TENM2: variants seen among roughly 807,000 people sequenced by gnomAD.
The protein encoded by TENM2 is teneurin transmembrane protein 2.
TENM2 carries 52 observed loss-of-function variants against 245.2 expected under a neutral mutation model. That is an observed-to-expected ratio of 0.21 (90% CI 0.17 to 0.27). The LOEUF (loss-of-function observed/expected upper bound fraction) is 0.27, where lower values mean the gene tolerates loss of function less well. TENM2 is among the 10% of genes least tolerant of loss of function. TENM2 has a pLI of 1.00. For missense variants in TENM2, 3,046 were observed against 3,666.8 expected (o/e 0.83, Z 4.37); for synonymous variants, 1,363 against 1,438.9 (o/e 0.95, Z 1.19).
chr5:167,663,506 G>C (rs1003568069), intron 2 of TENM2, among the ~76,000 whole-genome samples: 5 of 151,976 alleles, frequency 3.3e-5, no homozygotes, highest in African/African-American at 9.7e-5. Flanking sequence ...GATTCTTATT[G>C]TCTTCAATGT....
chr5:167,500,558 G>C (rs1315820146), intron 2 of TENM2, among the ~76,000 whole-genome samples: 1 of 152,130 alleles, frequency 6.6e-6, no homozygotes, highest in East Asian at 1.9e-4. Flanking sequence ...GGAGAAAATC[G>C]TGAGATGGTG....
the TENM2 span, among the ~76,000 whole-genome samples, chr5:167,005,212 G>A: frequency 2.0e-5 from 3 of 152,128 alleles, no homozygotes; most frequent in Non-Finnish European, 4.4e-5. Context: ...CATTCAGTGT[G>A]TACGAATTCA....
chr5:167,749,705 G>C (rs1329054747), intron 2 of TENM2, among the ~76,000 whole-genome samples: 1 of 151,936 alleles, frequency 6.6e-6, no homozygotes, highest in Admixed American at 6.6e-5. Flanking sequence ...GCACATTCAA[G>C]ACTGATTCCT....
intron 1 of TENM2, among the ~76,000 whole-genome samples, chr5:167,313,617 A>G (rs1234690899): frequency 6.6e-6 from 1 of 152,170 alleles, no homozygotes; most frequent in Admixed American, 6.5e-5. Flanking sequence ...AGTCTGTGAC[A>G]CCAATGTACT....
At chr5:167,846,557 G>GGA (rs1770058080) in intron 2 of TENM2, among the ~76,000 whole-genome samples, 1 of 152,172 alleles carries the variant, frequency 6.6e-6, no homozygotes, top group Admixed American at 6.5e-5. Context: ...TGTTGTTTCT[G>GGA]TGATGCCAAG....
intron 3 of TENM2, among the ~76,000 whole-genome samples, chr5:167,910,096 T>C (rs529581120): frequency 5.9e-5 from 9 of 152,264 alleles, no homozygotes; most frequent in Admixed American, 2.6e-4. Context: ...CTATCTACAA[T>C]GCAACACAAT....
chr5:167,877,235 A>G (rs1340768418), intron 3 of TENM2, among the ~76,000 whole-genome samples: 1 of 152,142 alleles, frequency 6.6e-6, no homozygotes, highest in African/African-American at 2.4e-5. Flanking sequence ...CCAGGAGTAT[A>G]TGCCACCCAC....
intron 7 of TENM2, among the ~76,000 whole-genome samples, chr5:168,088,493 C>A (rs1315834778): frequency 3.9e-5 from 6 of 152,158 alleles, no homozygotes; most frequent in African/African-American, 1.4e-4. Context: ...GCGGCCGTCA[C>A]CAGCGCCCCA....
chr5:167,064,498 T>G, the TENM2 span, among the ~76,000 whole-genome samples: 1 of 152,076 alleles, frequency 6.6e-6, no homozygotes, highest in Non-Finnish European at 1.5e-5. Flanking sequence ...AAAAATGGAG[T>G]ATTTTGGAAG....
chr5:168,038,302 GTGAGATGTTTCT>G lies in TENM2; in HGVS notation c.1187-9120_1187-9109del, dbSNP rs1482795707. ...AAAACAACCCAAGACCCAGCAGGAG[GTGAGATGTTTCT>G]TGAGTGCCTCCTGTGTGCCGGTTAC... On this transcript the variant is annotated intron_variant, in intron 5 of 28. Transcript: ENST00000518659. Among the ~76,000 whole-genome samples the G allele has an allele frequency of 2.0e-5, 3 of 152,184 alleles. No homozygotes were observed. In the East Asian group the frequency reaches 5.8e-4, roughly 29 times the overall value.
the TENM2 span, among the ~76,000 whole-genome samples, chr5:167,220,830 T>A: frequency 1.1e-5 from 1 of 91,204 alleles, no homozygotes; most frequent in Non-Finnish European, 2.1e-5. Flanking sequence ...ATCATACACA[T>A]TTTTTTTTTT....
chr5:167,552,296 C>CT (rs1654792703), intron 2 of TENM2, among the ~76,000 whole-genome samples: 1 of 152,158 alleles, frequency 6.6e-6, no homozygotes, highest in South Asian at 2.1e-4. Context: ...CAAGTGGGTG[C>CT]TGTAGTCCTT....
At chr5:167,952,674 G>T (rs766686457) in exon 4 of TENM2, 1 of 1,611,328 alleles carries the variant, frequency 6.2e-7, no homozygotes, top group Admixed American at 1.7e-5. Flanking sequence ...CCACTCGTCC[G>T]CCAACTCCCT....
At chr5:167,025,715 T>G in the TENM2 span, among the ~76,000 whole-genome samples, 10 of 152,284 alleles carry the variant, frequency 6.6e-5, no homozygotes, top group East Asian at 1.9e-3. Flanking sequence ...GCTGTCAGAT[T>G]ATAGATTGGT....
chr5:167,973,461 C>T (rs1781952617), intron 4 of TENM2, among the ~76,000 whole-genome samples: 1 of 152,182 alleles, frequency 6.6e-6, no homozygotes, highest in Admixed American at 6.5e-5. Context: ...ATCGAAAAGA[C>T]ATGGCCCCTG....
intron 2 of TENM2, among the ~76,000 whole-genome samples, chr5:167,498,931 C>G (rs1331252696): frequency 6.6e-6 from 1 of 152,086 alleles, no homozygotes; most frequent in Non-Finnish European, 1.5e-5. Flanking sequence ...TGTTACAGAA[C>G]CAAGGTTAAG....
chr5:167,776,610 A>AAAAAAAAC (rs1763808002), intron 2 of TENM2, among the ~76,000 whole-genome samples: 2 of 99,144 alleles, frequency 2.0e-5, no homozygotes, highest in African/African-American at 8.6e-5. Context: ...AAAAAAAAAA[A>AAAAAAAAC]AAAAAAAAAA....
the TENM2 span, among the ~76,000 whole-genome samples, chr5:167,265,171 C>CAA: frequency 1.4e-5 from 2 of 139,124 alleles, no homozygotes; most frequent in Admixed American, 7.2e-5. Context: ...ACTAAAAATA[C>CAA]AAAAAAAAAA....
At chr5:167,313,232 G>A (rs888954100) in intron 1 of TENM2, among the ~76,000 whole-genome samples, 1 of 152,062 alleles carries the variant, frequency 6.6e-6, no homozygotes, top group African/African-American at 2.4e-5. Flanking sequence ...AATTTTCTCT[G>A]TTCTTGGCAT....
Sources: gnomAD v4.1 joint callset for allele counts (sites outside exome capture counted in the v4.1 genomes callset) on GRCh38, gnomAD v4.1.1 for gene constraint, MANE v1.5 for transcripts, NCBI Gene and HGNC (gene_info 2026-07-23, HGNC 2026-07-21) for gene names.